The following CASZ1 variants were observed in gnomAD, a reference collection of about 807,000 sequenced individuals.
CASZ1 encodes the protein zinc finger protein castor homolog 1.
A neutral mutation model predicts 135.2 loss-of-function variants in CASZ1; 28 were observed. The ratio of observed to expected loss-of-function variants is 0.21; its 90% confidence interval spans 0.15 to 0.28. The LOEUF is 0.28. Ranked by LOEUF, CASZ1 falls within the 10% of genes least tolerant of loss-of-function variation. The pLI is 1.00. For missense variants in CASZ1, 2,161 were observed against 2,453.3 expected, an observed-to-expected ratio of 0.88 and a Z score of 2.52; for synonymous variants, 1,068 against 1,073.4, an observed-to-expected ratio of 0.99 and a Z score of 0.10.
At chr1:10,691,041 G>A (rs1236041331) in intron 4 of CASZ1, among the ~76,000 whole-genome samples, 1 of 148,846 alleles carries the variant, frequency 6.7e-6, no homozygotes, top group African/African-American at 2.5e-5. Context: ...CACTCTAAAA[G>A]GGCCTAATGG....
chr1:10,742,208 A>C (rs1639937504), intron 2 of CASZ1, among the ~76,000 whole-genome samples: 1 of 152,336 alleles, frequency 6.6e-6, no homozygotes, highest in Admixed American at 6.5e-5. Flanking sequence ...AGCAAGAACC[A>C]CGGAGGAGGA....
At chr1:10,655,011 C>G (rs1272605606) in intron 9 of CASZ1, among the ~76,000 whole-genome samples, 1 of 152,176 alleles carries the variant, frequency 6.6e-6, no homozygotes, top group Non-Finnish European at 1.5e-5. Context: ...TGGACAGTCC[C>G]TGGGCACGGG....
At chr1:10,737,325 C>A (rs769792788) in intron 2 of CASZ1, among the ~76,000 whole-genome samples, 32 of 152,122 alleles carry the variant, frequency 2.1e-4, no homozygotes, top group Non-Finnish European at 3.4e-4. Flanking sequence ...GGGCCCTCCC[C>A]TCTCAGGCTG....
rs180867952 is a variant in CASZ1, at chr1:10,726,575, G to A, written c.-76-21031C>T. The stretch of plus-strand genomic sequence containing the variant: ...TGCCAATCCGGCCAGAGGAAACACC[G>A]GGCACGGGGAATGGAGCCCTCGCCA... On this transcript the variant is annotated intron_variant, in intron 2 of 20. Coordinates refer to ENST00000377022, the MANE Select transcript of CASZ1 (RefSeq NM_001079843.3). This position sits in a 1 kb window ranked among gnomAD's most constrained non-coding sequence, Gnocchi z 5.7. Among the ~76,000 whole-genome samples the A allele has an allele frequency of 3.9e-5, 6 of 152,336 alleles. No homozygotes were observed. Among genetic ancestry groups the A allele is most frequent in the African/African-American group, 7.2e-5 (3 of 41,584 alleles).
At chr1:10,772,432 G>A (rs1460517796) in intron 1 of CASZ1, among the ~76,000 whole-genome samples, 3 of 152,172 alleles carry the variant, frequency 2.0e-5, no homozygotes, top group African/African-American at 4.8e-5. Context: ...TTGTTTCTGC[G>A]GGGGAAGGCT....
At chr1:10,710,762 C>T (rs1329103806) in intron 2 of CASZ1, among the ~76,000 whole-genome samples, 2 of 152,258 alleles carry the variant, frequency 1.3e-5, no homozygotes, top group Non-Finnish European at 2.9e-5. Context: ...GTCCCTGCTC[C>T]ACAGCGAGAT....
intron 15 of CASZ1, 189 bp downstream of exon 15, chr1:10,648,881 C>T: frequency 2.7e-6 from 2 of 731,454 alleles, no homozygotes; most frequent in East Asian, 2.8e-5. Flanking sequence ...GGGCTCAGAG[C>T]CCCCGGCTGA....
intron 4 of CASZ1, among the ~76,000 whole-genome samples, chr1:10,692,843 A>C (rs182015835): frequency 2.0e-5 from 3 of 152,316 alleles, no homozygotes; most frequent in Non-Finnish European, 2.9e-5. Context: ...AACAGCCACC[A>C]GTATCACCTA....
chr1:10,650,828 C>T, intron 12 of CASZ1, 73 bp from the exon 13 acceptor site: 8 of 1,600,342 alleles, frequency 5.0e-6, no homozygotes, highest in East Asian at 4.5e-5. Context: ...CTTCCCTGCC[C>T]GACCCTGGGG....
chr1:10,712,618 T>G (rs59783166), intron 2 of CASZ1, among the ~76,000 whole-genome samples: 4,937 of 151,870 alleles, frequency 0.033, 275 homozygotes, highest in African/African-American at 0.11. Flanking sequence ...ACCATCCGAG[T>G]GGGGCTCCCG....
chr1:10,795,684 GC>G (rs1316116386), intron 1 of CASZ1, among the ~76,000 whole-genome samples: 2 of 152,236 alleles, frequency 1.3e-5, no homozygotes, highest in Non-Finnish European at 2.9e-5. Context: ...GCCCTGTGTT[GC>G]CAGCCCTTCA....
At position 10,638,953 on chromosome 1, in the gene CASZ1, A is replaced by C. The variant is rs1194518312; in HGVS notation, c.5269T>G (p.Ser1757Ala). The change falls in exon 21 of 21, where the codon TCC (serine) becomes GCC (alanine). Residue 1757 changes from serine (S) to alanine (A), a missense_variant. This residue lies in a region of CASZ1 where 185 missense variants were observed against 134.7 expected (regional missense o/e 1.37). Transcript: ENST00000377022. This position sits in a 1 kb window ranked among gnomAD's most constrained non-coding sequence, Gnocchi z 5.9. ...ACCCGCGGGCGCCGCTAGGGCGAGG[A>C]GGCTGCAGTGGGCGCGGGGCCGGGG... Reference protein sequence around the residue: ...GAPGPAPTAASSP With the variant: ...GAPGPAPTAAASP The C allele has an allele frequency of 2.0e-6, 2 of 980,100 alleles. No individual in the cohort carries two copies. Among genetic ancestry groups the C allele is most frequent in the Non-Finnish European group, 2.4e-6 (2 of 828,230 alleles). 60.7% of individuals were successfully genotyped at this position (980,100 alleles called of 1,614,324 possible).
intron 1 of CASZ1, among the ~76,000 whole-genome samples, chr1:10,778,421 C>T (rs1220237484): frequency 8.5e-5 from 13 of 152,120 alleles, no homozygotes; most frequent in Admixed American, 8.5e-4. Flanking sequence ...TACAATCACA[C>T]ACAACCACAC....
At position 10,655,582 on chromosome 1, in the gene CASZ1, G is replaced by C. The variant is rs1464417369; in HGVS notation, c.1665+67C>G. The C allele has an allele frequency of 9.6e-6, 14 of 1,452,106 alleles. No homozygotes were observed. The African/African-American group carries it at 2.0e-4, about 20-fold the overall frequency. The allele number at this position is 1,452,106 out of a possible 1,614,324, so 90.0% of individuals were successfully genotyped here. A position where few individuals can be genotyped will look rare whatever the true frequency, so the allele number is the denominator to read the frequency against. On this transcript the variant is annotated intron_variant, in intron 9 of 20. Coordinates refer to ENST00000377022, the MANE Select transcript of CASZ1 (RefSeq NM_001079843.3). ...GGGCAGCCCTGCCTCTGGGAGTGGG[G>C]GGCTCAGAGCCGGGAGGGCCTGGGC...
Position 10,739,889 on chromosome 1 carries a change from G to A in CASZ1, c.-77+20812C>T, listed in dbSNP as rs976588357. 2.0e-5 allele frequency among the ~76,000 whole-genome samples: 3 copies of A among 152,176 alleles called. No individual in the cohort carries two copies. Among genetic ancestry groups the A allele is most frequent in the African/African-American group, 4.8e-5 (2 of 41,436 alleles). On this transcript the variant is annotated intron_variant, in intron 2 of 20. Transcript: ENST00000377022. This position sits in a 1 kb window ranked among gnomAD's most constrained non-coding sequence, Gnocchi z 4.8. ...GCCGCAAGGTGCTGGGATCCCAGAC[G>A]AGTCCCTCCTGAAAGGGCGAAACTC...
chr1:10,764,420 C>A (rs772188150), intron 1 of CASZ1, among the ~76,000 whole-genome samples: 2 of 152,262 alleles, frequency 1.3e-5, no homozygotes, highest in Non-Finnish European at 2.9e-5. Flanking sequence ...AGTGAGAACT[C>A]TTGGTATGAA....
chr1:10,707,028 G>A lies in CASZ1; in HGVS notation c.-76-1484C>T, dbSNP rs906203803. 1.3e-5 allele frequency among the ~76,000 whole-genome samples: 2 copies of A among 152,100 alleles called. No individual in the cohort carries two copies. Among genetic ancestry groups the A allele is most frequent in the African/African-American group, 4.8e-5 (2 of 41,408 alleles). On this transcript the variant is annotated intron_variant, in intron 2 of 20. Transcript: ENST00000377022. This position sits in a 1 kb window ranked among gnomAD's most constrained non-coding sequence, Gnocchi z 5.0. ...GGATGGAGACCCCCAGGCCTCCACTGCAAGGCACCAGGTGGGCTCAGCCAT... is the reference window on the plus strand; with the variant it reads ...GGATGGAGACCCCCAGGCCTCCACTACAAGGCACCAGGTGGGCTCAGCCAT...
chr1:10,778,202 C>G (rs986112305), intron 1 of CASZ1, among the ~76,000 whole-genome samples: 1 of 151,526 alleles, frequency 6.6e-6, no homozygotes, highest in Non-Finnish European at 1.5e-5. Context: ...GACACACTCT[C>G]ACACACAACC....
chr1:10,786,252 G>C (rs1640857868), intron 1 of CASZ1, among the ~76,000 whole-genome samples: 1 of 152,090 alleles, frequency 6.6e-6, no homozygotes, highest in Non-Finnish European at 1.5e-5. Context: ...AGGAACACTT[G>C]GTCTGGCCAG....
Sources: allele counts gnomAD v4.1 joint callset (sites outside exome capture counted in the v4.1 genomes callset), GRCh38; gene constraint gnomAD v4.1.1; regional missense constraint gnomAD v4.1.1; non-coding constraint Gnocchi (gnomAD v3.1); transcripts MANE v1.5; gene names NCBI Gene and HGNC (gene_info 2026-07-23, HGNC 2026-07-21).